The following ZMYND15 variants were observed in gnomAD, a reference collection of about 807,000 sequenced individuals.
The protein encoded by ZMYND15 is zinc finger MYND domain-containing protein 15.
A neutral mutation model predicts 81.7 loss-of-function variants in ZMYND15; 54 were observed. The ratio of observed to expected loss-of-function variants is 0.66; its 90% CI spans 0.53 to 0.83. ZMYND15 has a LOEUF of 0.83. ZMYND15 is among the 40% of genes least tolerant of loss of function. The probability of loss-of-function intolerance (pLI) is 0.00; values close to 1 mark genes in which losing one functional copy is unlikely to be tolerated. For synonymous variants in ZMYND15, 399 were observed against 387.0 expected (o/e 1.03, Z -0.36); for missense variants, 925 against 973.5 (o/e 0.95, Z 0.66).
At position 4,741,691 on chromosome 17, in the gene ZMYND15, C is replaced by A; in HGVS notation, c.702C>A (p.Gly234=). 1 of 1,614,102 alleles carries A rather than the reference C, an allele frequency of 6.2e-7. No individual in the cohort carries two copies. Among genetic ancestry groups the A allele is most frequent in the Non-Finnish European group, 8.5e-7 (1 of 1,179,988 alleles). Residue 234 remains glycine (G), a synonymous_variant, in exon 3 of 14, where the codon GGC becomes GGA. Transcript: ENST00000433935. The part of the protein sequence containing the change: ...VDGAQGTASW[G]SGTKDLAPWA... ...GAGCCCAGGGAACCGCAAGCTGGGG[C>A]TCAGGGACCAAGGACCTGGCTCCTT... is the stretch of plus-strand genomic sequence containing the variant.
chr17:4,742,141 GGC>G (rs1916454270), intron 4 of ZMYND15, 71 bp downstream of exon 4: 2 of 1,593,682 alleles, frequency 1.3e-6, no homozygotes, highest in Admixed American at 3.4e-5. Flanking sequence ...GGTGGTGGGG[GGC>G]GCCTAGCAGA....
At position 4,740,913 on chromosome 17, in the gene ZMYND15, A is replaced by C; in HGVS notation, c.365A>C (p.Asp122Ala). Reference protein sequence around the residue: ...GEEGEEEEEEDEEEEKREDGG... With the variant: ...GEEGEEEEEEAEEEEKREDGG... ...GAAGGGGAGGAGGAAGAGGAGGAAG[A>C]TGAAGAAGAAGAGAAGAGAGAGGAC... Residue 122 changes from aspartate to alanine, a missense_variant, in exon 2 of 14, where the codon GAT becomes GCT. Transcript: ENST00000433935. 1 of 1,582,608 alleles carries C rather than the reference A, an allele frequency of 6.3e-7. No individual in the cohort carries two copies. Among genetic ancestry groups the C allele is most frequent in the South Asian group, 1.1e-5 (1 of 87,320 alleles).
At position 4,745,034 on chromosome 17, in the gene ZMYND15, T is replaced by C; in HGVS notation, c.1896+106T>C. On this transcript the variant is annotated intron_variant, in intron 12 of 13. Transcript: ENST00000433935. This position sits in a 1 kb window ranked among gnomAD's most constrained non-coding sequence, Gnocchi z 5.2. The stretch of plus-strand genomic sequence containing the variant: ...TCTCCTCCTCTTCACCATCACCTGC[T>C]CCACAAACCTGGGGAGTGCCCACGG... 1 of 1,555,828 alleles carries C rather than the reference T, an allele frequency of 6.4e-7. No homozygotes were observed. The highest frequency in any genetic ancestry group is 8.8e-7 in the Non-Finnish European group (1 of 1,132,504).
In ZMYND15 at chr17:4,744,965, C is replaced by T. The variant is rs372025218; in HGVS notation, c.1896+37C>T. 1.9e-6 allele frequency: 3 copies of T among 1,612,094 alleles called. No individual in the cohort carries two copies. In the African/African-American group the frequency reaches 4.0e-5, roughly 22 times the overall value. On this transcript the variant is annotated intron_variant, in intron 12 of 13. Transcript: ENST00000433935. This position sits in a 1 kb window ranked among gnomAD's most constrained non-coding sequence, Gnocchi z 4.1. ...GGGCAAAAGGGAACTTCTCTCCCCT[C>T]CTGCCTGGCCCCTCCCCATCTCCTT... is the stretch of plus-strand genomic sequence containing the variant.
In ZMYND15 at chr17:4,742,025, G is replaced by C; in HGVS notation, c.938G>C (p.Cys313Ser). ...FTFASLRARTCHVCHRHSFEA... is the reference protein window; with the variant it reads ...FTFASLRARTSHVCHRHSFEA... ...TTTGCTTCCCTTCGTGCTCGAACCT[G>C]CCATGTGTGTCACAGGCACAGCTTT... Residue 313 changes from cysteine to serine, a missense_variant, in exon 4 of 14, where the codon TGC (cysteine) becomes TCC (serine). Transcript: ENST00000433935. The C allele has an allele frequency of 6.2e-7, 1 of 1,614,170 alleles. No homozygotes were observed. Among genetic ancestry groups the C allele is most frequent in the Non-Finnish European group, 8.5e-7 (1 of 1,180,044 alleles).
Position 4,744,783 on chromosome 17 carries a change from A to G in ZMYND15, c.1837+5A>G. On this transcript the variant is annotated splice_donor_5th_base_variant and intron_variant, in intron 11 of 13. Transcript: ENST00000433935. The surrounding 1 kb of genome is among the most constrained non-coding windows in gnomAD (Gnocchi z 4.1). Reference sequence around the variant, plus strand: ...CCAAGCCTGACCTGGTTATTGGTAAAAGCCTGGGTCTCAGGGTTAGGCATG... The same window carrying G: ...CCAAGCCTGACCTGGTTATTGGTAAGAGCCTGGGTCTCAGGGTTAGGCATG... The G allele has an allele frequency of 6.2e-7, 1 of 1,614,076 alleles. No homozygotes were observed. The highest frequency in any genetic ancestry group is 8.5e-7 in the Non-Finnish European group (1 of 1,179,988).
rs772567260 is a variant in ZMYND15, at chr17:4,743,772, C to T, written c.1303C>T (p.Pro435Ser). ...PSLSLLRGGD[P>S]YQLLQGDGTA... ...TCCTTCTTTCATCCTCTCAGGAGACCCCTACCAGCTTCTCCAGGGAGACGG... is the reference window on the plus strand; with the variant it reads ...TCCTTCTTTCATCCTCTCAGGAGACTCCTACCAGCTTCTCCAGGGAGACGG... The change falls in exon 7 of 14, where the codon CCC (proline) becomes TCC (serine). Residue 435 changes from proline (P) to serine (S), a missense_variant. By Grantham distance (74) the Pro-to-Ser change is moderately conservative. Coordinates refer to ENST00000433935, the MANE Select transcript of ZMYND15 (RefSeq NM_001136046.3). The surrounding 1 kb of genome is among the most constrained non-coding windows in gnomAD (Gnocchi z 4.3). The T allele has an allele frequency of 1.1e-5, 18 of 1,613,792 alleles. No homozygotes were observed. The South Asian group carries it at 2.0e-4, about 18-fold the overall frequency.
rs375174133 is a variant in ZMYND15, at chr17:4,741,933, C to T, written c.846C>T (p.Val282=). The change falls in exon 4 of 14, where the codon GTC becomes GTT. Residue 282 remains valine, a synonymous_variant. Coordinates refer to ENST00000433935, the MANE Select transcript of ZMYND15 (RefSeq NM_001136046.3). ...CATTTAGAGAGCTGGAGAGCTTGGT[C>T]CCAAGGCTAGGTGTGAAGTTAGCCA... ...ARLHRELESL[V]PRLGVKLAKT... The T allele has an allele frequency of 9.9e-6, 16 of 1,614,114 alleles. No individual in the cohort carries two copies. The highest frequency in any genetic ancestry group is 1.4e-5 in the Non-Finnish European group (16 of 1,180,006).
rs762746226 is a variant in ZMYND15, at chr17:4,744,658, G to A, written c.1717G>A (p.Gly573Ser). 3.0e-5 allele frequency: 48 copies of A among 1,613,212 alleles called. No individual in the cohort carries two copies. Among genetic ancestry groups the A allele is most frequent in the African/African-American group, 4.0e-5 (3 of 74,866 alleles). The change falls in exon 11 of 14, where the codon GGC becomes AGC. Residue 573 changes from glycine (G) to serine (S), a missense_variant. Transcript: ENST00000433935. This position sits in a 1 kb window ranked among gnomAD's most constrained non-coding sequence, Gnocchi z 4.1. ...SLEVSVRPGS[G>S]ISARPSSGTK... ...GGAGGTGTCTGTCCGGCCTGGTTCC[G>A]GCATATCAGCACGGCCCAGCTCTGG...
chr17:4,740,164 C>A, intron 1 of ZMYND15, 114 bp downstream of exon 1: 3 of 796,080 alleles, frequency 3.8e-6, no homozygotes, highest in Non-Finnish European at 3.1e-6. Flanking sequence ...CAGACGCATC[C>A]AAAATGCTTC....
chr17:4,743,294 C>T lies in ZMYND15; in HGVS notation c.1145-9C>T, dbSNP rs1460214722. 6.2e-7 allele frequency: 1 copy of T among 1,606,102 alleles called. No individual in the cohort carries two copies. Among genetic ancestry groups the T allele is most frequent in the Non-Finnish European group, 8.5e-7 (1 of 1,176,950 alleles). ...CAGCACCTCAACTCCTCCCCTTCTC[C>T]TTCTCCAGAGGTGACCAGTGAAACC... On this transcript the variant is annotated splice_polypyrimidine_tract_variant and intron_variant, in intron 5 of 13. Transcript: ENST00000433935. The surrounding 1 kb of genome is among the most constrained non-coding windows in gnomAD (Gnocchi z 4.3).
intron 5 of ZMYND15, among the ~76,000 whole-genome samples, 180 bp downstream of exon 5, chr17:4,742,671 G>A (rs567145205): frequency 2.6e-5 from 4 of 152,280 alleles, no homozygotes; most frequent in South Asian, 2.1e-4. Flanking sequence ...CTCTGAAGCC[G>A]AGGCCTGAGT....
In ZMYND15 at chr17:4,740,605, C is replaced by G; in HGVS notation, c.57C>G (p.Phe19Leu). ...TCCTTGATTTCACTGCCCTTCTCTTCGGCTGGTTCCGAAAGTTTGTGGCAG... is the reference window on the plus strand; with the variant it reads ...TCCTTGATTTCACTGCCCTTCTCTTGGGCTGGTTCCGAAAGTTTGTGGCAG... ...DEFLDFTALL[F>L]GWFRKFVAER... The change falls in exon 2 of 14, where the codon TTC (phenylalanine) becomes TTG (leucine). Residue 19 changes from phenylalanine to leucine, a missense_variant. Physicochemically the swap from Phe to Leu is conservative, Grantham distance 22 (BLOSUM62 0). Transcript: ENST00000433935. 1 of 1,611,476 alleles carries G rather than the reference C, an allele frequency of 6.2e-7. No homozygotes were observed.
Position 4,740,738 on chromosome 17 carries a change from A to G in ZMYND15, c.190A>G (p.Asn64Asp). 1 of 1,607,014 alleles carries G rather than the reference A, an allele frequency of 6.2e-7. No individual in the cohort carries two copies. The highest frequency in any genetic ancestry group is 8.5e-7 in the Non-Finnish European group (1 of 1,174,856). Residue 64 changes from asparagine (N) to aspartate (D), a missense_variant, in exon 2 of 14, where the codon AAC (asparagine) becomes GAC (aspartate). Transcript: ENST00000433935. Reference protein sequence around the residue: ...PALWVLHVLPNHSVGISLGQG... With the variant: ...PALWVLHVLPDHSVGISLGQG... ...CCTTTGGGTGCTCCATGTCCTGCCCAACCATAGTGTGGGCATCAGCCTGGG... is the reference window on the plus strand; with the variant it reads ...CCTTTGGGTGCTCCATGTCCTGCCCGACCATAGTGTGGGCATCAGCCTGGG...
In ZMYND15 at chr17:4,741,929, T is replaced by TG. The variant is rs1309439881; in HGVS notation, c.844dup (p.Val282GlyfsTer41). On this transcript the variant is annotated frameshift_variant, in exon 4 of 14. Transcript: ENST00000433935. LOFTEE classifies it high-confidence loss of function. ...ACTGCATTTAGAGAGCTGGAGAGCT[T>TG]GGTCCCAAGGCTAGGTGTGAAGTTA... is the stretch of plus-strand genomic sequence containing the variant. 6.2e-7 allele frequency: 1 copy of TG among 1,613,994 alleles called. No homozygotes were observed. The highest frequency in any genetic ancestry group is 8.5e-7 in the Non-Finnish European group (1 of 1,180,004).
chr17:4,743,440 A>C lies in ZMYND15; in HGVS notation c.1282A>C (p.Ser428Arg). The change falls in exon 6 of 14, where the codon AGC becomes CGC. Residue 428 changes from serine to arginine, a missense_variant. Coordinates refer to ENST00000433935, the MANE Select transcript of ZMYND15 (RefSeq NM_001136046.3). The surrounding 1 kb of genome is among the most constrained non-coding windows in gnomAD (Gnocchi z 4.3). The part of the protein sequence containing the change: ...RHPRGNTPSL[S>R]LLRGGDPYQL... ...CCCCCGAGGCAACACGCCATCCCTCAGCCTTCTTCGCGGTGGTGCGTGGGG... is the reference window on the plus strand; with the variant it reads ...CCCCCGAGGCAACACGCCATCCCTCCGCCTTCTTCGCGGTGGTGCGTGGGG... 6.2e-7 allele frequency: 1 copy of C among 1,613,682 alleles called. No homozygotes were observed. Among genetic ancestry groups the C allele is most frequent in the Non-Finnish European group, 8.5e-7 (1 of 1,179,878 alleles).
rs766990208 is a variant in ZMYND15 at position 4,744,575 on chromosome 17, A to G, written c.1684-50A>G. 5.0e-6 allele frequency: 8 copies of G among 1,602,530 alleles called. No individual in the cohort carries two copies. Among genetic ancestry groups the G allele is most frequent in the Non-Finnish European group, 6.8e-6 (8 of 1,174,248 alleles). ...CCCCATCTTGCCTGGTGCATCCTCCAGTTCCCTGACTTCCAGTGGCTTTTC... is the reference window on the plus strand; with the variant it reads ...CCCCATCTTGCCTGGTGCATCCTCCGGTTCCCTGACTTCCAGTGGCTTTTC... On this transcript the variant is annotated intron_variant, in intron 10 of 13. Coordinates refer to ENST00000433935, the MANE Select transcript of ZMYND15 (RefSeq NM_001136046.3). The surrounding 1 kb of genome is among the most constrained non-coding windows in gnomAD (Gnocchi z 4.1).
Position 4,742,379 on chromosome 17 carries a change from T to C in ZMYND15, c.1032T>C (p.Ala344=). Reference sequence around the variant, plus strand: ...ATTGTGGAGAGGCTTGTCTCCGGGCTGACTGGCAGCGGTGCCCAGATGATG... The same window carrying C: ...ATTGTGGAGAGGCTTGTCTCCGGGCCGACTGGCAGCGGTGCCCAGATGATG... ...VLYCGEACLR[A]DWQRCPDDVS... is the part of the protein sequence containing the mutation. Residue 344 remains alanine (A), a synonymous_variant, in exon 5 of 14, where the codon GCT becomes GCC. Transcript: ENST00000433935. The C allele has an allele frequency of 6.2e-7, 1 of 1,614,172 alleles. No individual in the cohort carries two copies. Among genetic ancestry groups the C allele is most frequent in the Non-Finnish European group, 8.5e-7 (1 of 1,180,014 alleles).
chr17:4,740,799 G>A lies in ZMYND15; in HGVS notation c.251G>A (p.Gly84Glu). ...GAEPGPGPGL[G>E]TAWLLGDNPP... ...GAACCAGGTCCTGGACCAGGCCTGG[G>A]GACTGCCTGGCTCCTGGGAGACAAC... Residue 84 changes from glycine (G) to glutamate (E), a missense_variant, in exon 2 of 14, where the codon GGG becomes GAG. Physicochemically the swap from Gly to Glu is moderately conservative, Grantham distance 98 (BLOSUM62 -2). Transcript: ENST00000433935. The A allele has an allele frequency of 6.3e-7, 1 of 1,590,264 alleles. No individual in the cohort carries two copies. Among genetic ancestry groups the A allele is most frequent in the Non-Finnish European group, 8.6e-7 (1 of 1,164,476 alleles).
Sources: gnomAD v4.1 joint callset for allele counts (sites outside exome capture counted in the v4.1 genomes callset) on GRCh38, gnomAD v4.1.1 for gene constraint, Gnocchi (gnomAD v3.1) non-coding constraint, MANE v1.5 for transcripts, NCBI Gene and HGNC (gene_info 2026-07-23, HGNC 2026-07-21) for gene names.